CCDC92B: variants seen among roughly 807,000 people sequenced by gnomAD.
CCDC92B encodes the protein coiled-coil domain containing 92B.
A neutral mutation model predicts 5.6 loss-of-function variants in CCDC92B; 2 were observed. The ratio of observed to expected loss-of-function variants is 0.36; its 90% CI spans 0.15 to 1.12. The LOEUF (loss-of-function observed/expected upper bound fraction) is 1.12. Among genes scored for constraint, CCDC92B ranks in the 50% most tolerant of loss-of-function variants. The pLI, the probability that CCDC92B is intolerant of heterozygous loss-of-function variation, is 0.40. For synonymous variants in CCDC92B, 115 were observed against 122.3 expected (o/e 0.94, Z 0.39); for missense variants, 271 against 262.2 (o/e 1.03, Z -0.23).
At chr17:2,735,279 G>T in intron 1 of CCDC92B, 111 bp from the exon 2 acceptor site, 1 of 696,928 alleles carries the variant, frequency 1.4e-6, no homozygotes, top group African/African-American at 1.9e-5. Flanking sequence ...CCAGGAAGAT[G>T]ATTCTGCCAC....
rs1055219189 is a variant in CCDC92B, at chr17:2,748,465, C to A, written c.-24+946G>T. The A allele has an allele frequency of 7.4e-6, 7 of 950,598 alleles. No homozygotes were observed. The African/African-American group carries it at 1.2e-4, about 17-fold the overall frequency. The allele number at this position is 950,598 out of a possible 1,614,324, so 58.9% of individuals were successfully genotyped here. A position where few individuals can be genotyped will look rare whatever the true frequency, so the allele number is the denominator to read the frequency against. ...GTGTGTGTGTGCACGCATGCCTGCA[C>A]GCACCTGGCTTCCGTGCAAAGCCAT... On this transcript the variant is annotated intron_variant, in intron 1 of 3. Coordinates refer to ENST00000614400, the MANE Select transcript of CCDC92B (RefSeq NM_001355573.2).
chr17:2,727,823 C>T (rs1194140721), intron 3 of CCDC92B, among the ~76,000 whole-genome samples: 3 of 118,634 alleles, frequency 2.5e-5, no homozygotes, highest in East Asian at 6.7e-4. Flanking sequence ...GACTCCGTCT[C>T]AAAAAAAAAA....
chr17:2,736,008 C>T (rs1220779021), intron 1 of CCDC92B, among the ~76,000 whole-genome samples: 2 of 152,178 alleles, frequency 1.3e-5, no homozygotes, highest in African/African-American at 2.4e-5. Context: ...TCCCTTAGTT[C>T]AACTCCACTT....
chr17:2,724,272 G>C lies in CCDC92B; in HGVS notation c.*139C>G, dbSNP rs957631194. On this transcript the variant is annotated 3_prime_UTR_variant, in exon 4 of 4. Transcript: ENST00000614400. This position sits in a 1 kb window ranked among gnomAD's most constrained non-coding sequence, Gnocchi z 5.0. ...AAAAGGCTGGCGGTTCGGGGATTTG[G>C]GGGGAGCCGGGGCCGCCTCGCCCCG... 9 of 985,238 alleles carry C rather than the reference G, an allele frequency of 9.1e-6. No homozygotes were observed. The highest frequency in any genetic ancestry group is 1.1e-4 in the East Asian group (1 of 8,818). The allele number at this position is 985,238 out of a possible 1,614,324, so 61.0% of individuals were successfully genotyped here. A position where few individuals can be genotyped will look rare whatever the true frequency, so the allele number is the denominator to read the frequency against.
intron 1 of CCDC92B, among the ~76,000 whole-genome samples, chr17:2,738,645 A>G (rs2070881912): frequency 6.6e-6 from 1 of 151,630 alleles, no homozygotes; most frequent in Admixed American, 6.6e-5. Flanking sequence ...CTGTAGTCCC[A>G]GCTACTCGGA....
rs972976177 is a variant in CCDC92B, at chr17:2,722,141, T to C, written c.*2270A>G. ...AAAGTGTGGTCGTGGGAGATGAGGG[T>C]CTGTGCACGCTCCTCTGGAAAGAGA... On this transcript the variant is annotated 3_prime_UTR_variant, in exon 4 of 4. Coordinates refer to ENST00000614400, the MANE Select transcript of CCDC92B (RefSeq NM_001355573.2). 5 of 151,182 alleles carry C rather than the reference T, an allele frequency of 3.3e-5. No homozygotes were observed. The highest frequency in any genetic ancestry group is 1.2e-4 in the African/African-American group (5 of 41,044). 9.4% of individuals were successfully genotyped at this position (151,182 alleles called of 1,614,324 possible).
At chr17:2,726,332 C>T (rs1027424491) in intron 3 of CCDC92B, among the ~76,000 whole-genome samples, 1 of 144,410 alleles carries the variant, frequency 6.9e-6, no homozygotes, top group Non-Finnish European at 1.5e-5. Flanking sequence ...CGCCCGCCAC[C>T]ATGCCTGGCT....
intron 3 of CCDC92B, among the ~76,000 whole-genome samples, chr17:2,728,620 A>C (rs574291866): frequency 1.3e-5 from 2 of 152,300 alleles, no homozygotes; most frequent in South Asian, 2.1e-4. Flanking sequence ...AAAAACAAAA[A>C]AAACAAAAAG....
intron 1 of CCDC92B, among the ~76,000 whole-genome samples, chr17:2,749,014 C>T (rs1410103194): frequency 6.6e-6 from 1 of 152,204 alleles, no homozygotes; most frequent in Non-Finnish European, 1.5e-5. Flanking sequence ...AGCCCCCCAC[C>T]CCCTTCAGGC....
rs2151734622 is a variant in CCDC92B, at chr17:2,721,701, C to A, written c.*2710G>T. On this transcript the variant is annotated 3_prime_UTR_variant, in exon 4 of 4. Coordinates refer to ENST00000614400, the MANE Select transcript of CCDC92B (RefSeq NM_001355573.2). Reference sequence around the variant, plus strand: ...TGGAACCCTGTATCTGCTACAGGTGCTCCCCCAGCTTGCCTTATTTCCTTT... The same window carrying A: ...TGGAACCCTGTATCTGCTACAGGTGATCCCCCAGCTTGCCTTATTTCCTTT... 1 of 152,370 alleles carries A rather than the reference C, an allele frequency of 6.6e-6. No homozygotes were observed. The highest frequency in any genetic ancestry group is 1.9e-4 in the East Asian group (1 of 5,184). The allele number at this position is 152,370 out of a possible 1,614,324, so 9.4% of individuals were successfully genotyped here. A position where few individuals can be genotyped will look rare whatever the true frequency, so the allele number is the denominator to read the frequency against.
chr17:2,729,416 C>A (rs2070770023), intron 3 of CCDC92B, among the ~76,000 whole-genome samples: 1 of 149,606 alleles, frequency 6.7e-6, no homozygotes, highest in African/African-American at 2.5e-5. Context: ...ATCACTTGAA[C>A]ACGGGAGGTG....
chr17:2,726,141 G>A (rs1304146333), intron 3 of CCDC92B, among the ~76,000 whole-genome samples: 1 of 147,824 alleles, frequency 6.8e-6, no homozygotes, highest in Non-Finnish European at 1.5e-5. Flanking sequence ...GATTACAGGT[G>A]CACACCACCA....
In CCDC92B at chr17:2,724,333, G is replaced by A. The variant is rs2070697856; in HGVS notation, c.*78C>T. On this transcript the variant is annotated 3_prime_UTR_variant, in exon 4 of 4. Transcript: ENST00000614400. The surrounding 1 kb of genome is among the most constrained non-coding windows in gnomAD (Gnocchi z 5.0). ...GAGGGGCGGCTGCCCTCCGACCCGG[G>A]ACCTGCCTGCGGGGACCGAGCTGCG... The A allele has an allele frequency of 2.0e-6, 2 of 985,310 alleles. No individual in the cohort carries two copies. Among genetic ancestry groups the A allele is most frequent in the Non-Finnish European group, 1.2e-6 (1 of 829,906 alleles). 61.0% of individuals were successfully genotyped at this position (985,310 alleles called of 1,614,324 possible).
chr17:2,730,613 G>C, intron 2 of CCDC92B, 120 bp from the exon 3 acceptor site: 1 of 418,892 alleles, frequency 2.4e-6, no homozygotes, highest in Non-Finnish European at 3.2e-6. Context: ...CAGTAAAGTG[G>C]CAATAAGGAT....
chr17:2,735,102 C>T lies in CCDC92B; in HGVS notation c.44G>A (p.Arg15His), dbSNP rs2070842818. 5 of 985,590 alleles carry T rather than the reference C, an allele frequency of 5.1e-6. No individual in the cohort carries two copies. The highest frequency in any genetic ancestry group is 3.5e-5 in the African/African-American group (2 of 57,380). 61.1% of individuals were successfully genotyped at this position (985,590 alleles called of 1,614,324 possible). The part of the protein sequence containing the change: ...SLEHQIQSVQ[R>H]HISFLKKEQM... ...CTCCTTTTTCAGGAAGCTGATGTGGCGTTGCACGCTCTGGATCTGATGCTC... is the reference window on the plus strand; with the variant it reads ...CTCCTTTTTCAGGAAGCTGATGTGGTGTTGCACGCTCTGGATCTGATGCTC... Residue 15 changes from arginine to histidine, a missense_variant, in exon 2 of 4, where the codon CGC (arginine) becomes CAC (histidine). By Grantham distance (29) the Arg-to-His change is conservative. Coordinates refer to ENST00000614400, the MANE Select transcript of CCDC92B (RefSeq NM_001355573.2).
chr17:2,725,003 G>A lies in CCDC92B; in HGVS notation c.179-3C>T, dbSNP rs2070709505. ...CTCCAGCTCCCGGGACGCCGCCTCT[G>A]GAACGGGGCAGAGGCCAGAGGTGAC... On this transcript the variant is annotated splice_region_variant and splice_polypyrimidine_tract_variant and intron_variant, in intron 3 of 3. Transcript: ENST00000614400. 1 of 985,438 alleles carries A rather than the reference G, an allele frequency of 1.0e-6. No individual in the cohort carries two copies. The highest frequency in any genetic ancestry group is 1.2e-6 in the Non-Finnish European group (1 of 829,970). The allele number at this position is 985,438 out of a possible 1,614,324, so 61.0% of individuals were successfully genotyped here.
In CCDC92B at chr17:2,737,329, G is replaced by C. The variant is rs138690096; in HGVS notation, c.-23-2161C>G. 3.9e-5 allele frequency among the ~76,000 whole-genome samples: 6 copies of C among 152,136 alleles called. No homozygotes were observed. The East Asian group carries it at 1.2e-3, about 29-fold the overall frequency. On this transcript the variant is annotated intron_variant, in intron 1 of 3. Coordinates refer to ENST00000614400, the MANE Select transcript of CCDC92B (RefSeq NM_001355573.2). ...CAGACTAGCTTACATGTAAGACTCA[G>C]AAAAATCCAGATTTTCATTTGTGGG...
intron 3 of CCDC92B, among the ~76,000 whole-genome samples, chr17:2,727,800 G>A (rs2070749468): frequency 6.6e-6 from 1 of 151,202 alleles, no homozygotes; most frequent in African/African-American, 2.4e-5. Context: ...CTCCAGCCTG[G>A]GCGCCAGAGT....
At chr17:2,739,785 T>C (rs1025305186) in intron 1 of CCDC92B, among the ~76,000 whole-genome samples, 2 of 152,200 alleles carry the variant, frequency 1.3e-5, no homozygotes, top group East Asian at 1.9e-4. Flanking sequence ...ACCTCCCTTC[T>C]TCCTCTTCTT....
Sources: allele counts gnomAD v4.1 joint callset (sites outside exome capture counted in the v4.1 genomes callset), GRCh38; gene constraint gnomAD v4.1.1; non-coding constraint Gnocchi (gnomAD v3.1); transcripts MANE v1.5; gene names NCBI Gene and HGNC (gene_info 2026-07-23, HGNC 2026-07-21).